Variants in KDM2A observed in about 807,000 individuals in gnomAD.
KDM2A encodes lysine-specific demethylase 2A.
In KDM2A, 3 loss-of-function variants were observed where a neutral mutation model predicts 137.3. The ratio of observed to expected loss-of-function variants is 0.02; its 90% CI spans 0.01 to 0.06. KDM2A has a LOEUF of 0.06. KDM2A is among the 10% of genes least tolerant of loss of function. The pLI, the probability that KDM2A is intolerant of heterozygous loss-of-function variation, is 1.00. For synonymous variants in KDM2A, 512 were observed against 541.5 expected (o/e 0.95, Z 0.76); for missense variants, 738 against 1,510.6 (o/e 0.49, Z 8.48).
intron 2 of KDM2A, among the ~76,000 whole-genome samples, chr11:67,166,829 C>G (rs1856758745): frequency 6.6e-6 from 1 of 152,124 alleles, no homozygotes; most frequent in Non-Finnish European, 1.5e-5. Flanking sequence ...GTAACTCCAG[C>G]AATTTGGAAG....
intron 2 of KDM2A, among the ~76,000 whole-genome samples, chr11:67,173,595 A>G (rs543345694): frequency 1.8e-4 from 28 of 151,924 alleles, no homozygotes; most frequent in Non-Finnish European, 3.8e-4. Flanking sequence ...TTTGCCATGA[A>G]CCAGGCTGGT....
chr11:67,240,208 A>G (rs143756686), intron 12 of KDM2A: 150 of 1,534,946 alleles, frequency 9.8e-5, no homozygotes, highest in African/African-American at 8.9e-4. Flanking sequence ...GCCCTGCCCT[A>G]TGTGCTCTGG....
At chr11:67,230,175 CAA>C (rs34895479) in intron 11 of KDM2A, among the ~76,000 whole-genome samples, 7 of 116,406 alleles carry the variant, frequency 6.0e-5, no homozygotes, top group Admixed American at 8.8e-5. Context: ...GACTCCGTCT[CAA>C]AAAAAAAAAA....
intron 11 of KDM2A, among the ~76,000 whole-genome samples, chr11:67,228,368 T>C (rs1350461617): frequency 6.6e-6 from 1 of 152,196 alleles, no homozygotes; most frequent in Non-Finnish European, 1.5e-5. Context: ...ATCTGATCTT[T>C]GTCTGAGTTG....
rs547603572 is a variant in KDM2A at position 67,244,646 on chromosome 11, A to G, written c.1564-543A>G. 1.1e-4 allele frequency among the ~76,000 whole-genome samples: 16 copies of G among 152,338 alleles called. No individual in the cohort carries two copies. In the South Asian group the frequency reaches 2.9e-3, roughly 28 times the overall value. On this transcript the variant is annotated intron_variant, in intron 13 of 20. Transcript: ENST00000529006. ...ATAGTAAATACTTTAGGTTTTGTAC[A>G]CCACACAGTCAACAATTTCTCAGTT...
chr11:67,186,475 T>G (rs1054955327), intron 5 of KDM2A, among the ~76,000 whole-genome samples: 6 of 152,170 alleles, frequency 3.9e-5, no homozygotes, highest in Non-Finnish European at 8.8e-5. Context: ...AGGAAACTTG[T>G]TACCACTGGA....
At chr11:67,128,680 A>G (rs1197223127) in intron 2 of KDM2A, among the ~76,000 whole-genome samples, 3 of 152,236 alleles carry the variant, frequency 2.0e-5, no homozygotes, top group South Asian at 2.1e-4. Flanking sequence ...TTTAAGCCCT[A>G]TTATTTTCTG....
At chr11:67,194,214 A>G (rs1004041230) in intron 5 of KDM2A, among the ~76,000 whole-genome samples, 8 of 152,136 alleles carry the variant, frequency 5.3e-5, no homozygotes, top group African/African-American at 1.7e-4. Context: ...TCTTGCTTCA[A>G]TGACAGCAAA....
At chr11:67,133,343 C>T (rs1365126816) in intron 2 of KDM2A, among the ~76,000 whole-genome samples, 1 of 152,022 alleles carries the variant, frequency 6.6e-6, no homozygotes, top group Non-Finnish European at 1.5e-5. Flanking sequence ...CTCAAGTGAT[C>T]CACCCGCCTT....
At chr11:67,142,557 G>GGGGGTT (rs56758864) in intron 2 of KDM2A, among the ~76,000 whole-genome samples, 19,416 of 115,092 alleles carry the variant, frequency 0.17, 2,941 homozygotes, top group Non-Finnish European at 0.26. Flanking sequence ...AAGTTGGCCG[G>GGGGGTT]GGGGTTGGGG....
In KDM2A at chr11:67,165,145, G is replaced by A. The variant is rs375822345; in HGVS notation, c.43-14934G>A. Among the ~76,000 whole-genome samples the A allele has an allele frequency of 1.7e-4, 25 of 150,164 alleles. No homozygotes were observed. In the East Asian group the frequency reaches 4.5e-3, roughly 27 times the overall value. On this transcript the variant is annotated intron_variant, in intron 2 of 20. Transcript: ENST00000529006. The stretch of plus-strand genomic sequence containing the variant: ...CCAACTTTTTTTTTTTTTTGAGACC[G>A]ACTTTCACTCTTGTTACCCAGGCTG...
intron 2 of KDM2A, among the ~76,000 whole-genome samples, chr11:67,141,608 A>G (rs1270456077): frequency 1.4e-5 from 2 of 143,996 alleles, no homozygotes; most frequent in African/African-American, 5.2e-5. Context: ...CAGAGCTTGC[A>G]GTGAGCTGAG....
chr11:67,240,581 C>T (rs1008226674), intron 12 of KDM2A, among the ~76,000 whole-genome samples: 1 of 152,202 alleles, frequency 6.6e-6, no homozygotes, highest in Non-Finnish European at 1.5e-5. Context: ...AGAATCCTTT[C>T]CCTCTCTGCC....
At chr11:67,127,345 G>A (rs1855754141) in intron 2 of KDM2A, among the ~76,000 whole-genome samples, 1 of 151,934 alleles carries the variant, frequency 6.6e-6, no homozygotes, top group East Asian at 1.9e-4. Flanking sequence ...GTCTGGTCTT[G>A]AACTCCCAGA....
At chr11:67,140,672 G>C (rs1856079550) in intron 2 of KDM2A, among the ~76,000 whole-genome samples, 1 of 152,080 alleles carries the variant, frequency 6.6e-6, no homozygotes, top group Admixed American at 6.6e-5. Flanking sequence ...AGAGTTGCTT[G>C]AACCCGTGAG....
At chr11:67,196,296 G>A (rs1201323318) in intron 5 of KDM2A, 4 of 455,946 alleles carry the variant, frequency 8.8e-6, no homozygotes, top group Non-Finnish European at 1.8e-5. Flanking sequence ...ATGGCAGGAG[G>A]GAGCAAGTGG....
At chr11:67,190,748 G>A (rs994151297) in intron 5 of KDM2A, among the ~76,000 whole-genome samples, 1 of 151,762 alleles carries the variant, frequency 6.6e-6, no homozygotes, top group African/African-American at 2.4e-5. Context: ...GCAACAGAGC[G>A]AGACTCTTTA....
chr11:67,211,151 C>G (rs192599448), intron 6 of KDM2A, among the ~76,000 whole-genome samples: 1 of 152,044 alleles, frequency 6.6e-6, no homozygotes, highest in African/African-American at 2.4e-5. Flanking sequence ...CATAGTATAT[C>G]CCTTCATTTA....
At chr11:67,207,931 T>C (rs1279038607) in intron 6 of KDM2A, among the ~76,000 whole-genome samples, 1 of 151,974 alleles carries the variant, frequency 6.6e-6, no homozygotes. Flanking sequence ...CTCAAGAGGC[T>C]GAGGTGGGAG....
Sources: allele counts gnomAD v4.1 joint callset (sites outside exome capture counted in the v4.1 genomes callset), GRCh38; gene constraint gnomAD v4.1.1; transcripts MANE v1.5; gene names NCBI Gene and HGNC (gene_info 2026-07-23, HGNC 2026-07-21).